FLVCR2: variants seen among roughly 807,000 people sequenced by gnomAD.
The protein encoded by FLVCR2 is FLVCR choline and putative heme transporter 2, also known as choline/ethanolamine transporter FLVCR2.
In FLVCR2, 38 loss-of-function variants were observed where a neutral mutation model predicts 48.9. The ratio of observed to expected loss-of-function variants is 0.78; its 90% CI spans 0.60 to 1.02. FLVCR2 has a LOEUF of 1.02. Among genes scored for constraint, FLVCR2 ranks in the 50% least tolerant of loss-of-function variants. The probability of loss-of-function intolerance (pLI) is 0.00; values close to 1 mark genes in which losing one functional copy is unlikely to be tolerated. For missense variants in FLVCR2, 664 were observed against 663.3 expected (o/e 1.00, Z -0.01); for synonymous variants, 255 against 257.0 (o/e 0.99, Z 0.07).
chr14:75,584,534 G>C (rs1888693598), intron 1 of FLVCR2, among the ~76,000 whole-genome samples: 1 of 152,216 alleles, frequency 6.6e-6, no homozygotes, highest in African/African-American at 2.4e-5. Context: ...CTCTAAGTTT[G>C]TCATAATTAA....
At chr14:75,604,172 C>T (rs1212606293) in intron 1 of FLVCR2, 2 of 152,290 alleles carry the variant, frequency 1.3e-5, no homozygotes, top group East Asian at 1.9e-4. Context: ...AGAATACTGT[C>T]GTCTACGGCC....
Position 75,579,167 on chromosome 14 carries a change from T to C in FLVCR2, c.195T>C (p.Ala65=), listed in dbSNP as rs1416132665. The C allele has an allele frequency of 1.2e-6, 2 of 1,613,978 alleles. No individual in the cohort carries two copies. Among genetic ancestry groups the C allele is most frequent in the Non-Finnish European group, 1.7e-6 (2 of 1,180,028 alleles). Residue 65 remains alanine, a synonymous_variant, in exon 1 of 10, where the codon GCT becomes GCC. Coordinates refer to ENST00000238667, the MANE Select transcript of FLVCR2 (RefSeq NM_017791.3). ...PSALAQPSGL[A]HPSSSGPEDL... is the part of the protein sequence containing the mutation. ...CCTTAGCCCAACCCAGTGGCTTGGC[T>C]CACCCCAGTAGCTCGGGCCCTGAGG...
rs561281407 is a variant in FLVCR2, at chr14:75,588,707, G to A, written c.669+9066G>A. Among the ~76,000 whole-genome samples the A allele has an allele frequency of 1.3e-4, 20 of 152,268 alleles. 1 individual carries two copies. The highest frequency in any genetic ancestry group is 1.5e-5 in the Non-Finnish European group (1 of 68,014). On this transcript the variant is annotated intron_variant, in intron 1 of 9. Transcript: ENST00000238667. ...TTGGCCAGGATGGTCTTGAACTCCT[G>A]ACCTCAAGTGATCCCCCTGCCTCGG... is the stretch of plus-strand genomic sequence containing the variant.
intron 1 of FLVCR2, among the ~76,000 whole-genome samples, chr14:75,597,124 G>A (rs535786340): frequency 6.6e-6 from 1 of 151,820 alleles, no homozygotes; most frequent in South Asian, 2.1e-4. Flanking sequence ...TCCACAAAAA[G>A]TACGAAATTA....
intron 3 of FLVCR2, among the ~76,000 whole-genome samples, chr14:75,630,525 A>T (rs1890015367): frequency 6.6e-6 from 1 of 152,092 alleles, no homozygotes; most frequent in African/African-American, 2.4e-5. Context: ...ACTTTAAGGA[A>T]TTCTAATGTC....
intron 1 of FLVCR2, among the ~76,000 whole-genome samples, chr14:75,606,879 G>A (rs1889304959): frequency 6.6e-6 from 1 of 152,114 alleles, no homozygotes; most frequent in Admixed American, 6.5e-5. Flanking sequence ...GGGAGGTGGA[G>A]GTTGCAGTGC....
chr14:75,624,026 T>C (rs1889828295), intron 2 of FLVCR2, among the ~76,000 whole-genome samples: 1 of 151,704 alleles, frequency 6.6e-6, no homozygotes, highest in African/African-American at 2.4e-5. Context: ...TGCTCCAGCC[T>C]GGGCGACAGA....
At chr14:75,630,075 A>C (rs1389969539) in intron 3 of FLVCR2, among the ~76,000 whole-genome samples, 1 of 152,196 alleles carries the variant, frequency 6.6e-6, no homozygotes, top group Non-Finnish European at 1.5e-5. Context: ...ACCAAAACCC[A>C]AAGATATGAT....
In FLVCR2 at chr14:75,645,036, GTGTGTGTGTGT is replaced by G. The variant is rs1594818832; in HGVS notation, c.1510-1364_1510-1354del. Among the ~76,000 whole-genome samples, 204 of 146,770 alleles carry G rather than the reference GTGTGTGTGTGT, an allele frequency of 1.4e-3. 2 individuals carry two copies. Among genetic ancestry groups the G allele is most frequent in the South Asian group, 7.4e-3 (34 of 4,600 alleles). ...TGGCTTTGGAGGAGGCGGGCGTGGT[GTGTGTGTGTGT>G]GTGTGTGTGTGTGTGTGTGTGTGTG... On this transcript the variant is annotated intron_variant, in intron 9 of 9. Coordinates refer to ENST00000238667, the MANE Select transcript of FLVCR2 (RefSeq NM_017791.3).
chr14:75,583,299 G>A (rs909720347), intron 1 of FLVCR2, among the ~76,000 whole-genome samples: 5 of 152,150 alleles, frequency 3.3e-5, no homozygotes, highest in Admixed American at 1.3e-4. Flanking sequence ...AGGCTTGTCC[G>A]GTTTTTGGAC....
At position 75,619,365 on chromosome 14, in the gene FLVCR2, A is replaced by AT. The variant is rs577225156; in HGVS notation, c.670-2705dup. Among the ~76,000 whole-genome samples the AT allele has an allele frequency of 4.5e-3, 680 of 151,566 alleles. 8 individuals are homozygous for AT. Among genetic ancestry groups the AT allele is most frequent in the African/African-American group, 0.016 (644 of 41,336 alleles). ...ACCCTCTCCTTACTTTCCCATACAC[A>AT]TTTTTTTTTCTTACCACTGTGAGTA... On this transcript the variant is annotated intron_variant, in intron 1 of 9. Transcript: ENST00000238667.
chr14:75,624,561 C>T, intron 2 of FLVCR2, 51 bp from the exon 3 acceptor site: 1 of 1,612,330 alleles, frequency 6.2e-7, no homozygotes, highest in Non-Finnish European at 8.5e-7. Context: ...ACCAGCTCTT[C>T]TGGGGTGGGA....
rs1435315817 is a variant in FLVCR2, at chr14:75,578,881, C to T, written c.-92C>T. 1.7e-5 allele frequency: 21 copies of T among 1,223,114 alleles called. No homozygotes were observed. The highest frequency in any genetic ancestry group is 2.3e-5 in the Non-Finnish European group (19 of 834,068). 75.8% of individuals were successfully genotyped at this position (1,223,114 alleles called of 1,614,324 possible). ...GTTTCTTCTGGAATAGGCAAGTGTC[C>T]TTTCAACTCTAAGAGACCAGCAGAG... On this transcript the variant is annotated 5_prime_UTR_variant, in exon 1 of 10. Transcript: ENST00000238667.
intron 1 of FLVCR2, among the ~76,000 whole-genome samples, chr14:75,616,789 A>T (rs1566790811): frequency 6.6e-6 from 1 of 152,204 alleles, no homozygotes; most frequent in Non-Finnish European, 1.5e-5. Context: ...CAGGAGCAGG[A>T]TCCACCTTGC....
intron 1 of FLVCR2, among the ~76,000 whole-genome samples, chr14:75,587,743 G>T (rs1480600876): frequency 6.6e-6 from 1 of 152,148 alleles, no homozygotes; most frequent in African/African-American, 2.4e-5. Context: ...ACTGTGCAAG[G>T]GTCAAAAGAA....
intron 3 of FLVCR2, chr14:75,632,953 G>A (rs1287291990): frequency 1.4e-6 from 1 of 702,220 alleles, no homozygotes; most frequent in Non-Finnish European, 2.6e-6. Flanking sequence ...TCTCCTTTGG[G>A]TCAGTTCCAG....
chr14:75,619,341 C>T (rs933795863), intron 1 of FLVCR2, among the ~76,000 whole-genome samples: 5 of 152,094 alleles, frequency 3.3e-5, no homozygotes, highest in African/African-American at 1.2e-4. Flanking sequence ...GGGTATCCTA[C>T]CCTCTCCTTA....
In FLVCR2 at chr14:75,639,214, AAAC is replaced by A. The variant is rs1224283060; in HGVS notation, c.1125-135_1125-133del. The A allele has an allele frequency of 8.4e-6, 6 of 714,426 alleles. No homozygotes were observed. The African/African-American group carries it at 8.7e-5, about 10-fold the overall frequency. The allele number at this position is 714,426 out of a possible 1,614,324, so 44.3% of individuals were successfully genotyped here. A position where few individuals can be genotyped will look rare whatever the true frequency, so the allele number is the denominator to read the frequency against. On this transcript the variant is annotated intron_variant, in intron 5 of 9. Transcript: ENST00000238667. ...CAACAGAGCAAGACACTGTCTCTGAAAACAAAACAAAACTCCAAGAACATAGCA... is the reference window on the plus strand; with the variant it reads ...CAACAGAGCAAGACACTGTCTCTGAAAAAACAAAACTCCAAGAACATAGCA...
chr14:75,606,367 G>A (rs527940385), intron 1 of FLVCR2, among the ~76,000 whole-genome samples: 1 of 152,158 alleles, frequency 6.6e-6, no homozygotes, highest in East Asian at 1.9e-4. Context: ...AAGGCTGTTT[G>A]TTTGGGCTAG....
Sources: gnomAD v4.1 joint callset for allele counts (sites outside exome capture counted in the v4.1 genomes callset) on GRCh38, gnomAD v4.1.1 for gene constraint, MANE v1.5 for transcripts, NCBI Gene and HGNC (gene_info 2026-07-23, HGNC 2026-07-21) for gene names.